The following PDE3B variants were observed in gnomAD, a reference collection of about 807,000 sequenced individuals.
PDE3B encodes phosphodiesterase 3B.
Under a neutral mutation model 116.8 loss-of-function variants are expected in PDE3B, and 66 were observed. The ratio of observed to expected loss-of-function variants is 0.56; its 90% CI spans 0.46 to 0.69. The LOEUF (loss-of-function observed/expected upper bound fraction) is 0.69, where lower values mean the gene tolerates loss of function less well. Ranked by LOEUF, PDE3B falls within the 30% of genes least tolerant of loss-of-function variation. The probability of loss-of-function intolerance (pLI) is 0.00; values close to 1 mark genes in which losing one functional copy is unlikely to be tolerated. For missense variants in PDE3B, 1,384 were observed against 1,368.1 expected (o/e 1.01, Z -0.18); for synonymous variants, 595 against 533.6 (o/e 1.12, Z -1.59).
intron 3 of PDE3B, 79 bp downstream of exon 3, chr11:14,786,764 A>G: frequency 1.7e-6 from 2 of 1,150,996 alleles, no homozygotes; most frequent in Non-Finnish European, 2.5e-6. Context: ...TAAATTCTAT[A>G]TAGAATACAA....
chr11:14,868,078 T>C (rs1451927214), intron 15 of PDE3B, among the ~76,000 whole-genome samples: 1 of 152,234 alleles, frequency 6.6e-6, no homozygotes, highest in African/African-American at 2.4e-5. Flanking sequence ...AGTCATTACA[T>C]TGAGTAACCA....
intron 5 of PDE3B, among the ~76,000 whole-genome samples, chr11:14,807,675 G>T (rs984445685): frequency 3.9e-5 from 6 of 152,054 alleles, no homozygotes; most frequent in African/African-American, 1.4e-4. Flanking sequence ...GTAGAGGAAG[G>T]GATCTGACTA....
Position 14,869,964 on chromosome 11 carries a change from T to C in PDE3B, c.*304T>C, listed in dbSNP as rs952107256. The C allele has an allele frequency of 1.7e-4, 35 of 205,056 alleles. No individual in the cohort carries two copies. Among genetic ancestry groups the C allele is most frequent in the African/African-American group, 8.0e-4 (35 of 43,570 alleles). 12.7% of individuals were successfully genotyped at this position (205,056 alleles called of 1,614,324 possible). On this transcript the variant is annotated 3_prime_UTR_variant, in exon 16 of 16. Transcript: ENST00000282096. Reference sequence around the variant, plus strand: ...GTCATAATGCTGCTTTGCTGGGTAGTGAGCTCTTATTTTTCACTGGGGGTC... The same window carrying C: ...GTCATAATGCTGCTTTGCTGGGTAGCGAGCTCTTATTTTTCACTGGGGGTC...
chr11:14,883,978 GA>G, the PDE3B span, among the ~76,000 whole-genome samples: 2 of 152,032 alleles, frequency 1.3e-5, no homozygotes, highest in Admixed American at 6.5e-5. Context: ...AAACCATAAT[GA>G]GATACCATCT....
chr11:14,666,611 C>A (rs1330205253), intron 1 of PDE3B, among the ~76,000 whole-genome samples: 1 of 151,650 alleles, frequency 6.6e-6, no homozygotes, highest in African/African-American at 2.4e-5. Flanking sequence ...ACCCCATCAA[C>A]AAGTGGGTGA....
intron 1 of PDE3B, among the ~76,000 whole-genome samples, chr11:14,715,752 C>G (rs559528323): frequency 1.3e-5 from 2 of 152,276 alleles, no homozygotes; most frequent in Admixed American, 6.5e-5. Context: ...CCTTTATTTC[C>G]TTCTCCTGCC....
At chr11:14,680,030 T>G (rs10128681) in intron 1 of PDE3B, among the ~76,000 whole-genome samples, 1 of 151,952 alleles carries the variant, frequency 6.6e-6, no homozygotes, top group African/African-American at 2.4e-5. Flanking sequence ...GGGAAGCTCA[T>G]AGTAGTAGGC....
intron 4 of PDE3B, among the ~76,000 whole-genome samples, chr11:14,790,054 A>G (rs905221928): frequency 6.6e-6 from 1 of 152,044 alleles, no homozygotes; most frequent in Non-Finnish European, 1.5e-5. Context: ...TTTGAGCTGT[A>G]TAGTTTCACA....
chr11:14,721,670 A>G (rs1856090568), intron 1 of PDE3B, among the ~76,000 whole-genome samples: 1 of 127,444 alleles, frequency 7.8e-6, no homozygotes. Context: ...AAACTATCGC[A>G]AGAACAAAAA....
At chr11:14,645,966 T>C (rs912265985) in intron 1 of PDE3B, among the ~76,000 whole-genome samples, 3 of 152,232 alleles carry the variant, frequency 2.0e-5, no homozygotes. Flanking sequence ...GCTGGTGCCA[T>C]TAACCTCTAG....
At chr11:14,674,289 C>G (rs1433690257) in intron 1 of PDE3B, 8 of 1,068,798 alleles carry the variant, frequency 7.5e-6, no homozygotes, top group East Asian at 4.9e-5. Context: ...CAGCCCCTAT[C>G]GTCTTCCCCT....
chr11:14,741,480 G>A (rs1349363465), intron 1 of PDE3B, among the ~76,000 whole-genome samples: 1 of 151,916 alleles, frequency 6.6e-6, no homozygotes, highest in East Asian at 1.9e-4. Flanking sequence ...GAGCCTATGT[G>A]TTTTTGCATA....
chr11:14,845,440 C>T (rs992390163), intron 12 of PDE3B, among the ~76,000 whole-genome samples: 1 of 152,304 alleles, frequency 6.6e-6, no homozygotes, highest in East Asian at 1.9e-4. Context: ...GCCTCTCCTC[C>T]TCCAAAGGAA....
At chr11:14,688,410 C>G (rs1308558715) in intron 1 of PDE3B, among the ~76,000 whole-genome samples, 1 of 152,112 alleles carries the variant, frequency 6.6e-6, no homozygotes, top group East Asian at 1.9e-4. Context: ...ATAGTGCTGA[C>G]ACTTATGTCA....
intron 1 of PDE3B, among the ~76,000 whole-genome samples, chr11:14,763,183 T>C (rs996056810): frequency 6.6e-6 from 1 of 151,946 alleles, no homozygotes; most frequent in Non-Finnish European, 1.5e-5. Flanking sequence ...TCCAGTGAAT[T>C]AGAAAGAAAT....
chr11:14,738,199 C>CGTGGCGA (rs1420047970), intron 1 of PDE3B, among the ~76,000 whole-genome samples: 1 of 152,214 alleles, frequency 6.6e-6, no homozygotes, highest in African/African-American at 2.4e-5. Context: ...GCCACACTGA[C>CGTGGCGA]TTCCACAATG....
At chr11:14,839,784 T>C (rs546099453) in intron 11 of PDE3B, among the ~76,000 whole-genome samples, 1 of 152,336 alleles carries the variant, frequency 6.6e-6, no homozygotes, top group South Asian at 2.1e-4. Context: ...ATTGATGAGA[T>C]AATGATGAAT....
At chr11:14,749,171 G>A (rs959975595) in intron 1 of PDE3B, among the ~76,000 whole-genome samples, 10 of 152,110 alleles carry the variant, frequency 6.6e-5, no homozygotes, top group Non-Finnish European at 1.0e-4. Context: ...TTACAAGCGT[G>A]AGCCATCCAC....
intron 1 of PDE3B, among the ~76,000 whole-genome samples, chr11:14,693,277 C>G (rs1034514601): frequency 1.3e-5 from 2 of 152,208 alleles, no homozygotes; most frequent in African/African-American, 4.8e-5. Flanking sequence ...GATGGAGAAG[C>G]TGCAGCAAGT....
Sources: gnomAD v4.1 joint callset for allele counts (sites outside exome capture counted in the v4.1 genomes callset) on GRCh38, gnomAD v4.1.1 for gene constraint, MANE v1.5 for transcripts, NCBI Gene and HGNC (gene_info 2026-07-23, HGNC 2026-07-21) for gene names.